TNKS2: variants seen among roughly 807,000 people sequenced by gnomAD.
The protein encoded by TNKS2 is tankyrase 2.
In TNKS2, 72 loss-of-function variants were observed where a neutral mutation model predicts 137.6. The observed-to-expected ratio is 0.52, with a 90% CI of 0.43 to 0.64. The LOEUF (loss-of-function observed/expected upper bound fraction) is 0.64, where lower values mean the gene tolerates loss of function less well. TNKS2 is among the 30% of genes least tolerant of loss of function. The pLI, the probability that TNKS2 is intolerant of heterozygous loss-of-function variation, is 0.00. For missense variants in TNKS2, 1,049 were observed against 1,410.2 expected, an observed-to-expected ratio of 0.74 and a Z score of 4.10; for synonymous variants, 516 against 512.1, an observed-to-expected ratio of 1.01 and a Z score of -0.10.
intron 1 of TNKS2, among the ~76,000 whole-genome samples, chr10:91,809,432 C>T (rs924295913): frequency 5.3e-5 from 8 of 151,248 alleles, no homozygotes; most frequent in African/African-American, 7.3e-5. Context: ...TTTGGGAGGC[C>T]GAGGCGGGCG....
intron 21 of TNKS2, among the ~76,000 whole-genome samples, chr10:91,851,813 G>A (rs912450810): frequency 6.6e-6 from 1 of 152,128 alleles, no homozygotes; most frequent in Admixed American, 6.5e-5. Flanking sequence ...TTGCAACTGA[G>A]GAAATTGAAC....
At chr10:91,824,808 G>A (rs756286553) in intron 7 of TNKS2, among the ~76,000 whole-genome samples, 9 of 152,190 alleles carry the variant, frequency 5.9e-5, no homozygotes, top group Non-Finnish European at 1.2e-4. Context: ...GCTCAGCAAG[G>A]ACACTTAAGT....
Position 91,841,336 on chromosome 10 carries a change from A to C in TNKS2, c.1727A>C (p.Glu576Ala), listed in dbSNP as rs1589680457. 2.5e-6 allele frequency: 4 copies of C among 1,604,064 alleles called. No individual in the cohort carries two copies. The highest frequency in any genetic ancestry group is 3.4e-6 in the Non-Finnish European group (4 of 1,175,216). ...ACSYGHYEVA[E>A]LLVKHGAVVN... is the part of the protein sequence containing the mutation. ...TCTTATGGACATTATGAAGTTGCAGAACTTCTTGTTAAACATGGAGCAGTA... is the reference window on the plus strand; with the variant it reads ...TCTTATGGACATTATGAAGTTGCAGCACTTCTTGTTAAACATGGAGCAGTA... Residue 576 changes from glutamate to alanine, a missense_variant, in exon 15 of 27, where the codon GAA becomes GCA. By Grantham distance (107) the Glu-to-Ala change is moderately radical. Transcript: ENST00000371627.
chr10:91,798,848 A>G lies in TNKS2; in HGVS notation c.158A>G (p.Asp53Gly). ...LVTPEKVNSR[D>G]TAGRKSTPLH... is the part of the protein sequence containing the mutation. Reference sequence around the variant, plus strand: ...ACGCCTGAGAAGGTGAACAGCCGCGACACGGCGGGCAGGAAATCCACCCCG... The same window carrying G: ...ACGCCTGAGAAGGTGAACAGCCGCGGCACGGCGGGCAGGAAATCCACCCCG... Residue 53 changes from aspartate to glycine, a missense_variant, in exon 1 of 27, where the codon GAC becomes GGC. Around this residue, in one of 6 missense-constraint regions of TNKS2, gnomAD observed 374 missense variants for 460.8 expected, o/e 0.81. Transcript: ENST00000371627. 7.4e-7 allele frequency: 1 copy of G among 1,358,018 alleles called. No homozygotes were observed. The highest frequency in any genetic ancestry group is 1.9e-5 in the South Asian group (1 of 53,454). 84.1% of individuals were successfully genotyped at this position (1,358,018 alleles called of 1,614,324 possible). A position where few individuals can be genotyped will look rare whatever the true frequency, so the allele number is the denominator to read the frequency against.
chr10:91,821,239 T>G (rs1476748860), intron 6 of TNKS2, among the ~76,000 whole-genome samples: 1 of 151,890 alleles, frequency 6.6e-6, no homozygotes. Flanking sequence ...GGTTTTGCCG[T>G]GTTGGCCAGG....
chr10:91,821,473 A>C (rs1238466379), intron 6 of TNKS2, among the ~76,000 whole-genome samples: 4 of 152,072 alleles, frequency 2.6e-5, no homozygotes, highest in African/African-American at 9.7e-5. Flanking sequence ...TAAAGAGAGG[A>C]CTCATAGAAC....
intron 1 of TNKS2, among the ~76,000 whole-genome samples, chr10:91,805,917 ACAGTGTGAT>A (rs1385077834): frequency 6.6e-6 from 1 of 152,166 alleles, no homozygotes; most frequent in Admixed American, 6.5e-5. Flanking sequence ...CTTGGGGAGG[ACAGTGTGAT>A]CAGCAATGCC....
chr10:91,801,688 G>A (rs1346531979), intron 1 of TNKS2, among the ~76,000 whole-genome samples: 1 of 151,998 alleles, frequency 6.6e-6, no homozygotes, highest in Non-Finnish European at 1.5e-5. Flanking sequence ...TGGTCAGGCT[G>A]GTCTCAAACT....
chr10:91,855,051 G>A lies in TNKS2; in HGVS notation c.2838G>A (p.Leu946=). The A allele has an allele frequency of 6.2e-7, 1 of 1,608,780 alleles. No homozygotes were observed. The highest frequency in any genetic ancestry group is 1.1e-5 in the South Asian group (1 of 90,892). The change falls in exon 22 of 27, where the codon TTG becomes TTA. Residue 946 remains leucine, a synonymous_variant. Transcript: ENST00000371627. ...TAGGTCTTAACCCATATTTAACTTT[G>A]AACACCTCTGGTAGTGGAACAATTC... The part of the protein sequence containing the change: ...GQQGLNPYLT[L]NTSGSGTILI...
intron 18 of TNKS2, among the ~76,000 whole-genome samples, chr10:91,847,224 A>G (rs992617207): frequency 6.6e-6 from 1 of 152,358 alleles, no homozygotes; most frequent in Admixed American, 6.5e-5. Flanking sequence ...ACAAATGACT[A>G]TGAAACAAGT....
intron 1 of TNKS2, among the ~76,000 whole-genome samples, chr10:91,804,003 G>C (rs111773622): frequency 4.7e-4 from 72 of 152,198 alleles, no homozygotes; most frequent in Non-Finnish European, 9.7e-4. Context: ...CAGCTTTTGG[G>C]AAACCATTCA....
Position 91,798,565 on chromosome 10 carries a change from G to A in TNKS2, c.-126G>A. ...TGGGACTGCGCCGGATCCGGTGACA[G>A]CAGGGAGCCAAGCGGCCCGGGCCCT... is the stretch of plus-strand genomic sequence containing the variant. On this transcript the variant is annotated 5_prime_UTR_variant, in exon 1 of 27. Coordinates refer to ENST00000371627, the MANE Select transcript of TNKS2 (RefSeq NM_025235.4). 2 of 1,097,654 alleles carry A rather than the reference G, an allele frequency of 1.8e-6. No individual in the cohort carries two copies. Among genetic ancestry groups the A allele is most frequent in the Non-Finnish European group, 2.3e-6 (2 of 876,606 alleles). The allele number at this position is 1,097,654 out of a possible 1,614,324, so 68.0% of individuals were successfully genotyped here.
chr10:91,816,557 C>A (rs1844704966), intron 2 of TNKS2, among the ~76,000 whole-genome samples: 1 of 152,142 alleles, frequency 6.6e-6, no homozygotes, highest in Non-Finnish European at 1.5e-5. Flanking sequence ...AAGCAGGCTC[C>A]TGTTAATTAT....
At chr10:91,837,601 G>A (rs1010025585) in intron 13 of TNKS2, among the ~76,000 whole-genome samples, 5 of 152,208 alleles carry the variant, frequency 3.3e-5, no homozygotes, top group East Asian at 3.9e-4. Context: ...CACACCTGTC[G>A]GTAATCCCAG....
intron 16 of TNKS2, among the ~76,000 whole-genome samples, chr10:91,844,479 G>A (rs1383212870): frequency 6.6e-6 from 1 of 152,148 alleles, no homozygotes; most frequent in South Asian, 2.1e-4. Context: ...GGACTCTGAG[G>A]CCCACTCTGG....
chr10:91,859,313 G>A (rs1265463020), intron 24 of TNKS2, 149 bp from the exon 25 acceptor site: 1 of 543,714 alleles, frequency 1.8e-6, no homozygotes, highest in Non-Finnish European at 3.1e-6. Context: ...TAAAATAGCT[G>A]GCTGACAGTT....
At chr10:91,849,062 C>A (rs1842466321) in intron 19 of TNKS2, among the ~76,000 whole-genome samples, 1 of 152,230 alleles carries the variant, frequency 6.6e-6, no homozygotes, top group Non-Finnish European at 1.5e-5. Context: ...GTCTTGAACT[C>A]CTGACCTCAG....
chr10:91,811,369 G>T (rs1844497142), intron 1 of TNKS2, among the ~76,000 whole-genome samples: 1 of 151,794 alleles, frequency 6.6e-6, no homozygotes, highest in African/African-American at 2.4e-5. Flanking sequence ...TATGCTTTCA[G>T]CTCAGGTGTC....
At chr10:91,822,506 G>A (rs1404097601) in intron 7 of TNKS2, 144 bp downstream of exon 7, 4 of 617,122 alleles carry the variant, frequency 6.5e-6, no homozygotes, top group South Asian at 2.3e-5. Flanking sequence ...ATAAAATATA[G>A]GTGACTGATA....
Sources: gnomAD v4.1 joint callset for allele counts (sites outside exome capture counted in the v4.1 genomes callset) on GRCh38, gnomAD v4.1.1 for gene constraint, gnomAD v4.1.1 regional missense constraint, MANE v1.5 for transcripts, NCBI Gene and HGNC (gene_info 2026-07-23, HGNC 2026-07-21) for gene names.